PRKG2: variants seen among roughly 807,000 people sequenced by gnomAD.
PRKG2 encodes protein kinase cGMP-dependent 2.
PRKG2 carries 33 observed loss-of-function variants against 97.2 expected under a neutral mutation model. That is an observed-to-expected ratio of 0.34 (90% CI 0.26 to 0.45). The LOEUF is 0.45. Ranked by LOEUF, PRKG2 falls within the 20% of genes least tolerant of loss-of-function variation. The pLI is 1.00. For missense variants in PRKG2, 638 were observed against 900.0 expected (o/e 0.71, Z 3.73); for synonymous variants, 330 against 321.8 (o/e 1.03, Z -0.27).
Position 81,157,462 on chromosome 4 carries a change from C to A in PRKG2, c.913-3741G>T, listed in dbSNP as rs1749206762. Reference sequence around the variant, plus strand: ...AACAGCTTACCAACAAAAAAGAGTCCAGGACCAGATGGATTCACAGCCGAA... The same window carrying A: ...AACAGCTTACCAACAAAAAAGAGTCAAGGACCAGATGGATTCACAGCCGAA... On this transcript the variant is annotated intron_variant, in intron 6 of 18. Transcript: ENST00000264399. Among the ~76,000 whole-genome samples the A allele has an allele frequency of 1.3e-5, 2 of 152,082 alleles. 1 individual carries two copies. The highest frequency in any genetic ancestry group is 4.1e-4 in the South Asian group (2 of 4,824).
chr4:81,149,408 A>G (rs193099438), intron 8 of PRKG2, among the ~76,000 whole-genome samples: 1 of 152,314 alleles, frequency 6.6e-6, no homozygotes, highest in Admixed American at 6.5e-5. Context: ...GTGCCATATC[A>G]CCCAATTAAT....
At chr4:81,167,633 T>C (rs1321047990) in intron 5 of PRKG2, among the ~76,000 whole-genome samples, 2 of 152,084 alleles carry the variant, frequency 1.3e-5, no homozygotes, top group African/African-American at 4.8e-5. Context: ...CAGATTTTTG[T>C]CTAAATCCTT....
chr4:81,095,519 T>C (rs1308582879), intron 17 of PRKG2, among the ~76,000 whole-genome samples: 1 of 152,218 alleles, frequency 6.6e-6, no homozygotes, highest in African/African-American at 2.4e-5. Flanking sequence ...ATCATTACCA[T>C]CACTCTACTG....
intron 6 of PRKG2, among the ~76,000 whole-genome samples, chr4:81,163,938 C>T (rs1028299210): frequency 2.6e-5 from 4 of 151,452 alleles, no homozygotes; most frequent in Admixed American, 6.6e-5. Context: ...CCAAGTGTGT[C>T]GGTTAAAAAA....
chr4:81,142,933 T>C lies in PRKG2; in HGVS notation c.1268A>G (p.Asn423Ser). The change falls in exon 11 of 19, where the codon AAC (asparagine) becomes AGC (serine). Residue 423 changes from asparagine (N) to serine (S), a missense_variant. By Grantham distance (46) the Asn-to-Ser change is conservative. Transcript: ENST00000264399. Reference sequence around the variant, plus strand: ...AGAGAGTGCTTTGGACAGCTTCCAGTTAGACATGGACCGCCTGTACAAGAG... The same window carrying C: ...AGAGAGTGCTTTGGACAGCTTCCAGCTAGACATGGACCGCCTGTACAAGAG... ...EKRHAKRSMSNWKLSKALSLE... is the reference protein window; with the variant it reads ...EKRHAKRSMSSWKLSKALSLE... 1 of 1,611,194 alleles carries C rather than the reference T, an allele frequency of 6.2e-7. No homozygotes were observed. Among genetic ancestry groups the C allele is most frequent in the Non-Finnish European group, 8.5e-7 (1 of 1,178,220 alleles).
At position 81,142,906 on chromosome 4, in the gene PRKG2, A is replaced by T; in HGVS notation, c.1295T>A (p.Leu432Gln). ...CTTCTCCTTCAGCTGAATCATTTCCAGAGAGAGTGCTTTGGACAGCTTCCA... is the reference window on the plus strand; with the variant it reads ...CTTCTCCTTCAGCTGAATCATTTCCTGAGAGAGTGCTTTGGACAGCTTCCA... ...SNWKLSKALSLEMIQLKEKVA... is the reference protein window; with the variant it reads ...SNWKLSKALSQEMIQLKEKVA... The change falls in exon 11 of 19, where the codon CTG becomes CAG. Residue 432 changes from leucine to glutamine, a missense_variant. By Grantham distance (113) the Leu-to-Gln change is moderately radical. Coordinates refer to ENST00000264399, the MANE Select transcript of PRKG2 (RefSeq NM_006259.3). 1 of 1,613,492 alleles carries T rather than the reference A, an allele frequency of 6.2e-7. No homozygotes were observed. The highest frequency in any genetic ancestry group is 8.5e-7 in the Non-Finnish European group (1 of 1,179,578).
intron 4 of PRKG2, among the ~76,000 whole-genome samples, chr4:81,170,056 C>T (rs1750326399): frequency 6.6e-6 from 1 of 152,026 alleles, no homozygotes; most frequent in African/African-American, 2.4e-5. Context: ...CCCAATTATG[C>T]ACTAGATCAT....
intron 3 of PRKG2, among the ~76,000 whole-genome samples, chr4:81,173,323 G>C (rs1396692895): frequency 2.6e-5 from 4 of 152,090 alleles, no homozygotes; most frequent in African/African-American, 7.2e-5. Flanking sequence ...CTCAATAGCT[G>C]TTTTGATACT....
intron 1 of PRKG2, among the ~76,000 whole-genome samples, chr4:81,208,624 C>T (rs1254588061): frequency 6.6e-6 from 1 of 152,022 alleles, no homozygotes; most frequent in Non-Finnish European, 1.5e-5. Flanking sequence ...GGGTCTTGCA[C>T]TATGTTGCTC....
chr4:81,136,225 T>G (rs912952675), intron 13 of PRKG2, among the ~76,000 whole-genome samples: 1 of 152,172 alleles, frequency 6.6e-6, no homozygotes, highest in Non-Finnish European at 1.5e-5. Context: ...CATCTTCTAC[T>G]CAGATGCTCA....
intron 17 of PRKG2, among the ~76,000 whole-genome samples, chr4:81,095,789 T>C (rs2109948339): frequency 6.6e-6 from 1 of 152,232 alleles, no homozygotes; most frequent in South Asian, 2.1e-4. Context: ...AGACTAGAAA[T>C]ATCAAAAACA....
intron 2 of PRKG2, among the ~76,000 whole-genome samples, chr4:81,203,790 T>G (rs1335844182): frequency 6.6e-6 from 1 of 152,096 alleles, no homozygotes; most frequent in African/African-American, 2.4e-5. Context: ...TTTTAAAAAC[T>G]CAAATTTTTA....
chr4:81,126,959 G>C (rs1036005263), intron 14 of PRKG2, among the ~76,000 whole-genome samples: 1 of 152,178 alleles, frequency 6.6e-6, no homozygotes, highest in African/African-American at 2.4e-5. Flanking sequence ...CCTATGCCCT[G>C]AATGGTACCG....
chr4:81,185,705 C>T (rs1351823384), intron 2 of PRKG2, among the ~76,000 whole-genome samples: 2 of 152,104 alleles, frequency 1.3e-5, no homozygotes. Context: ...CAAGACCCCT[C>T]GGGGTGCTGT....
intron 6 of PRKG2, among the ~76,000 whole-genome samples, chr4:81,159,425 G>C (rs1472100245): frequency 1.3e-5 from 2 of 152,318 alleles, no homozygotes; most frequent in East Asian, 1.9e-4. Flanking sequence ...TTTCACACCA[G>C]TTAGAATGGC....
intron 7 of PRKG2, 107 bp downstream of exon 7, chr4:81,153,537 T>G: frequency 1.2e-6 from 1 of 829,112 alleles, no homozygotes; most frequent in Non-Finnish European, 1.9e-6. Flanking sequence ...AGCTCCTTTA[T>G]CTGTCCAAAG....
At chr4:81,112,270 G>A (rs1008998394) in intron 14 of PRKG2, among the ~76,000 whole-genome samples, 6 of 152,110 alleles carry the variant, frequency 3.9e-5, no homozygotes, top group Non-Finnish European at 5.9e-5. Flanking sequence ...TCTACTGTGT[G>A]GTTGGGAATA....
intron 2 of PRKG2, among the ~76,000 whole-genome samples, chr4:81,189,455 T>G (rs1752268308): frequency 1.4e-5 from 2 of 140,824 alleles, no homozygotes; most frequent in Non-Finnish European, 2.9e-5. Flanking sequence ...GTTCATGTCC[T>G]TTGTAGGGAC....
chr4:81,189,066 T>TAA, intron 2 of PRKG2, among the ~76,000 whole-genome samples: 567 of 16,990 alleles, frequency 0.033, 72 homozygotes, highest in African/African-American at 0.039. Context: ...AAAAAAATAA[T>TAA]AAAAAAAAAA....
Sources: allele counts gnomAD v4.1 joint callset (sites outside exome capture counted in the v4.1 genomes callset), GRCh38; gene constraint gnomAD v4.1.1; transcripts MANE v1.5; gene names NCBI Gene and HGNC (gene_info 2026-07-23, HGNC 2026-07-21).